The following NCMAP variants were observed in gnomAD, a reference collection of about 807,000 sequenced individuals.
NCMAP encodes noncompact myelin-associated protein.
NCMAP carries 8 observed loss-of-function variants against 7.8 expected under a neutral mutation model. That is an observed-to-expected ratio of 1.02 (90% confidence interval 0.60 to 1.84). The LOEUF is 1.84. Ranked by LOEUF, NCMAP falls within the 40% of genes most tolerant of loss-of-function variation. The pLI is 0.00. For missense variants in NCMAP, 112 were observed against 131.4 expected, an observed-to-expected ratio of 0.85 and a Z score of 0.72; for synonymous variants, 41 against 52.9, an observed-to-expected ratio of 0.78 and a Z score of 0.98.
chr1:24,602,133 T>C (rs1461859159), intron 3 of NCMAP, among the ~76,000 whole-genome samples: 4 of 152,040 alleles, frequency 2.6e-5, no homozygotes, highest in African/African-American at 9.7e-5. Context: ...TACAAAACTA[T>C]ATATACATGG....
At chr1:24,597,306 G>A (rs974578233) in intron 2 of NCMAP, among the ~76,000 whole-genome samples, 2 of 151,882 alleles carry the variant, frequency 1.3e-5, no homozygotes, top group Non-Finnish European at 2.9e-5. Context: ...GGGAGTTTGA[G>A]ACTGGCCAGC....
chr1:24,600,891 C>A, intron 2 of NCMAP, 49 bp from the exon 3 acceptor site: 1 of 1,564,420 alleles, frequency 6.4e-7, no homozygotes, highest in South Asian at 1.1e-5. Context: ...CCCTCCTGGT[C>A]TGCGTTCAGT....
At chr1:24,584,840 T>G (rs2148932204) in intron 1 of NCMAP, among the ~76,000 whole-genome samples, 1 of 152,168 alleles carries the variant, frequency 6.6e-6, no homozygotes, top group East Asian at 1.9e-4. Context: ...TATTGTTCTT[T>G]GGTTTAAAAC....
chr1:24,607,988 C>T lies in NCMAP; in HGVS notation c.*2241C>T, dbSNP rs766906856. On this transcript the variant is annotated 3_prime_UTR_variant, in exon 4 of 4. Transcript: ENST00000374392. ...TCTGTGGAATAGCTCTGGAGAAATA[C>T]TGGCACATTCTTCCTCTCTGGTCAT... 2.0e-5 allele frequency: 3 copies of T among 152,224 alleles called. No individual in the cohort carries two copies. The highest frequency in any genetic ancestry group is 2.1e-4 in the South Asian group (1 of 4,834). 9.4% of individuals were successfully genotyped at this position (152,224 alleles called of 1,614,324 possible).
At chr1:24,585,127 C>T (rs762913212) in intron 1 of NCMAP, among the ~76,000 whole-genome samples, 123 of 152,184 alleles carry the variant, frequency 8.1e-4, no homozygotes, top group Non-Finnish European at 1.4e-3. Context: ...GGGGAGCACA[C>T]GGCAGAATTC....
chr1:24,556,590 G>C (rs1650902793), intron 1 of NCMAP, among the ~76,000 whole-genome samples: 1 of 152,218 alleles, frequency 6.6e-6, no homozygotes, highest in Non-Finnish European at 1.5e-5. Context: ...CCTATGCAGA[G>C]GCCCCTCCGG....
intron 1 of NCMAP, among the ~76,000 whole-genome samples, chr1:24,572,277 A>G (rs1314740002): frequency 2.0e-5 from 3 of 150,732 alleles, no homozygotes; most frequent in African/African-American, 7.5e-5. Context: ...CCACTGGGAT[A>G]TGACTTGGAG....
intron 1 of NCMAP, chr1:24,563,947 T>C (rs1447518314): frequency 2.0e-5 from 3 of 151,980 alleles, no homozygotes; most frequent in African/African-American, 4.8e-5. Flanking sequence ...ACAAGGAAAA[T>C]GCAATTGGGA....
At chr1:24,602,040 C>CAAAA (rs10699965) in intron 3 of NCMAP, among the ~76,000 whole-genome samples, 2 of 133,906 alleles carry the variant, frequency 1.5e-5, no homozygotes, top group African/African-American at 5.4e-5. Flanking sequence ...AACTCCGTCT[C>CAAAA]AAAAAAAAAA....
At position 24,601,830 on chromosome 1, in the gene NCMAP, G is replaced by A. The variant is rs190951155; in HGVS notation, c.167+806G>A. 7.9e-5 allele frequency among the ~76,000 whole-genome samples: 12 copies of A among 152,284 alleles called. No individual in the cohort carries two copies. The East Asian group carries it at 2.3e-3, about 30-fold the overall frequency. On this transcript the variant is annotated intron_variant, in intron 3 of 3. Coordinates refer to ENST00000374392, the MANE Select transcript of NCMAP (RefSeq NM_001010980.5). The stretch of plus-strand genomic sequence containing the variant: ...CCAAGATGGGCAGATAACGAGGTCA[G>A]GAGATGGAGACCATCCTGGCTAACA...
At chr1:24,604,011 C>A (rs886202672) in intron 3 of NCMAP, among the ~76,000 whole-genome samples, 1 of 152,146 alleles carries the variant, frequency 6.6e-6, no homozygotes, top group African/African-American at 2.4e-5. Context: ...CTGTTATCCA[C>A]GATAGAAGGG....
intron 2 of NCMAP, among the ~76,000 whole-genome samples, chr1:24,598,142 C>T (rs1652325147): frequency 6.6e-6 from 1 of 152,190 alleles, no homozygotes; most frequent in Non-Finnish European, 1.5e-5. Flanking sequence ...CCTAAGTTGC[C>T]CCATGATGGA....
chr1:24,584,809 T>G (rs957384679), intron 1 of NCMAP, among the ~76,000 whole-genome samples: 2 of 151,850 alleles, frequency 1.3e-5, no homozygotes, highest in Non-Finnish European at 2.9e-5. Context: ...GGTTTTTTGG[T>G]TTTTATTTTA....
chr1:24,593,877 TTTATTTA>T (rs1652128409), intron 1 of NCMAP, among the ~76,000 whole-genome samples: 12 of 143,002 alleles, frequency 8.4e-5, no homozygotes, highest in Admixed American at 8.3e-4. Context: ...TATTTATTTA[TTTATTTA>T]TTTATTTATT....
chr1:24,560,857 A>G (rs755677303), intron 1 of NCMAP, among the ~76,000 whole-genome samples: 9 of 152,046 alleles, frequency 5.9e-5, no homozygotes, highest in Non-Finnish European at 1.2e-4. Flanking sequence ...AGGAAAACAA[A>G]TGGTTAACTT....
At chr1:24,601,914 G>T (rs539694166) in intron 3 of NCMAP, among the ~76,000 whole-genome samples, 3 of 152,128 alleles carry the variant, frequency 2.0e-5, no homozygotes, top group East Asian at 3.9e-4. Context: ...GGCGGCGTGC[G>T]CCTGTAGTCC....
chr1:24,604,912 C>T (rs1399881330), intron 3 of NCMAP, among the ~76,000 whole-genome samples: 10 of 151,120 alleles, frequency 6.6e-5, no homozygotes, highest in Admixed American at 1.3e-4. Context: ...GTCAGGAGTT[C>T]GAGACCAGCC....
chr1:24,584,899 CATTG>C (rs978516131), intron 1 of NCMAP, among the ~76,000 whole-genome samples: 1 of 136,980 alleles, frequency 7.3e-6, no homozygotes, highest in Non-Finnish European at 1.5e-5. Context: ...ACAGGGTGGG[CATTG>C]ATTGAATGGA....
intron 1 of NCMAP, among the ~76,000 whole-genome samples, chr1:24,572,468 G>A (rs1005370816): frequency 6.6e-6 from 1 of 150,606 alleles, no homozygotes; most frequent in Non-Finnish European, 1.5e-5. Context: ...ATGGTTTGTG[G>A]GTAACAGATA....
Sources: gnomAD v4.1 joint callset for allele counts (sites outside exome capture counted in the v4.1 genomes callset) on GRCh38, gnomAD v4.1.1 for gene constraint, MANE v1.5 for transcripts, NCBI Gene and HGNC (gene_info 2026-07-23, HGNC 2026-07-21) for gene names.